Variants in ATE1 observed in about 807,000 individuals in gnomAD.
The protein encoded by ATE1 is arginyl-tRNA--protein transferase 1.
A neutral mutation model predicts 70.5 loss-of-function variants in ATE1; 36 were observed. That is an observed-to-expected ratio of 0.51 (90% CI 0.39 to 0.67). The LOEUF (loss-of-function observed/expected upper bound fraction) is 0.67. Among genes scored for constraint, ATE1 ranks in the 30% least tolerant of loss-of-function variants. The probability of loss-of-function intolerance (pLI) is 0.00; values close to 1 mark genes in which losing one functional copy is unlikely to be tolerated. For synonymous variants in ATE1, 232 were observed against 219.3 expected, an observed-to-expected ratio of 1.06 and a Z score of -0.51; for missense variants, 593 against 629.5, an observed-to-expected ratio of 0.94 and a Z score of 0.62.
chr10:121,790,771 CTAATG>C (rs1221914816), intron 10 of ATE1, among the ~76,000 whole-genome samples: 1 of 152,048 alleles, frequency 6.6e-6, no homozygotes, highest in African/African-American at 2.4e-5. Flanking sequence ...TCATTCTTCT[CTAATG>C]TAGTAGAAAG....
intron 8 of ATE1, among the ~76,000 whole-genome samples, chr10:121,844,152 T>G (rs1341990899): frequency 6.6e-6 from 1 of 152,200 alleles, no homozygotes; most frequent in Non-Finnish European, 1.5e-5. Flanking sequence ...CTAACCCCAG[T>G]GCTTTGGGAG....
At chr10:121,928,160 C>T, upstream of ATE1, 1 of 1,278,444 alleles carries the variant, frequency 7.8e-7, no homozygotes, top group Non-Finnish European at 9.9e-7. Flanking sequence ...ATTTCCGTTC[C>T]TTCTCCATAA....
At chr10:121,831,500 A>G (rs1358294621) in intron 10 of ATE1, among the ~76,000 whole-genome samples, 1 of 152,086 alleles carries the variant, frequency 6.6e-6, no homozygotes, top group African/African-American at 2.4e-5. Context: ...GCGAATGTCA[A>G]CCTTAACTGT....
At chr10:121,847,685 G>A (rs148311952) in intron 8 of ATE1, among the ~76,000 whole-genome samples, 1,557 of 145,750 alleles carry the variant, frequency 0.011, 30 homozygotes, top group African/African-American at 0.037. Context: ...TTGAACCAGG[G>A]AGTCAGAGGT....
Position 121,813,893 on chromosome 10 carries a change from T to C in ATE1, c.1257+22825A>G, listed in dbSNP as rs1947426627. 2.0e-5 allele frequency among the ~76,000 whole-genome samples: 3 copies of C among 152,194 alleles called. No individual in the cohort carries two copies. In the South Asian group the frequency reaches 6.2e-4, roughly 32 times the overall value. ...AAGAAAGTAACCCAGGGACTCTATC[T>C]TTGACATAAACGTGGCTGTGTACAA... On this transcript the variant is annotated intron_variant, in intron 10 of 11. Coordinates refer to ENST00000224652, the MANE Select transcript of ATE1 (RefSeq NM_001001976.3).
At chr10:121,876,472 T>C (rs1950052445) in intron 7 of ATE1, among the ~76,000 whole-genome samples, 1 of 152,216 alleles carries the variant, frequency 6.6e-6, no homozygotes, top group South Asian at 2.1e-4. Flanking sequence ...ATATATTTTA[T>C]AAATAGAAAT....
chr10:121,766,242 G>A (rs1484484746), intron 11 of ATE1, among the ~76,000 whole-genome samples: 1 of 152,038 alleles, frequency 6.6e-6, no homozygotes, highest in Non-Finnish European at 1.5e-5. Flanking sequence ...AACTATCTGC[G>A]ACATGCTTAA....
chr10:121,899,045 T>C, intron 7 of ATE1: 5 of 1,518,810 alleles, frequency 3.3e-6, no homozygotes, highest in Non-Finnish European at 4.5e-6. Context: ...GAGGCTACAG[T>C]AAGATCTCCA....
chr10:121,850,053 A>G (rs535701417), intron 8 of ATE1, among the ~76,000 whole-genome samples: 103 of 152,324 alleles, frequency 6.8e-4, no homozygotes, highest in African/African-American at 1.7e-3. Flanking sequence ...AGATTTATCT[A>G]TAAGAGTGGT....
rs189860010 is a variant in ATE1, at chr10:121,772,632, G to A, written c.1378+17537C>T. Among the ~76,000 whole-genome samples the A allele has an allele frequency of 2.4e-3, 358 of 152,244 alleles. 1 individual carries two copies. Among genetic ancestry groups the A allele is most frequent in the Non-Finnish European group, 3.5e-3 (237 of 68,008 alleles). ...GCGAGGAATCCAGAAACAAAGTCACGTCATGCTCCATACCCAAGCTCCATA... is the reference window on the plus strand; with the variant it reads ...GCGAGGAATCCAGAAACAAAGTCACATCATGCTCCATACCCAAGCTCCATA... On this transcript the variant is annotated intron_variant, in intron 11 of 11. Transcript: ENST00000224652.
chr10:121,875,035 A>C (rs1395324974), intron 7 of ATE1, among the ~76,000 whole-genome samples: 2 of 122,498 alleles, frequency 1.6e-5, no homozygotes, highest in Admixed American at 8.1e-5. Context: ...GCTACTCAGG[A>C]GGCTGAGGCA....
In ATE1 at chr10:121,774,056, G is replaced by A. The variant is rs1415088550; in HGVS notation, c.1378+16113C>T. ...TTGTCATCTTGAATGCAGTTTAAATGTTTTAAGAAAACATATTCCAAAACC... is the reference window on the plus strand; with the variant it reads ...TTGTCATCTTGAATGCAGTTTAAATATTTTAAGAAAACATATTCCAAAACC... On this transcript the variant is annotated intron_variant, in intron 11 of 11. Coordinates refer to ENST00000224652, the MANE Select transcript of ATE1 (RefSeq NM_001001976.3). Among the ~76,000 whole-genome samples the A allele has an allele frequency of 2.0e-5, 3 of 152,062 alleles. No individual in the cohort carries two copies. The East Asian group carries it at 5.8e-4, about 29-fold the overall frequency.
chr10:121,811,007 A>G (rs1161727372), intron 10 of ATE1, among the ~76,000 whole-genome samples: 3 of 152,194 alleles, frequency 2.0e-5, no homozygotes, highest in African/African-American at 7.2e-5. Context: ...AGCCAAAACA[A>G]ATTTTTTAAA....
chr10:121,908,175 T>A (rs971465817), intron 5 of ATE1, among the ~76,000 whole-genome samples: 4 of 152,154 alleles, frequency 2.6e-5, no homozygotes, highest in African/African-American at 9.7e-5. Flanking sequence ...TAGACGTTAT[T>A]TTGAAAAATG....
At chr10:121,762,106 G>C (rs1031371002) in intron 11 of ATE1, among the ~76,000 whole-genome samples, 1 of 152,024 alleles carries the variant, frequency 6.6e-6, no homozygotes, top group East Asian at 1.9e-4. Flanking sequence ...TTCTGTCTTC[G>C]TCACCTTCAG....
rs528271385 is a variant in ATE1, at chr10:121,869,680, T to C, written c.975+326A>G. ...GGCAATTTACAGAACATAAGGCTGC[T>C]GTTAAATAAACAGTTACAGGAGTAA... On this transcript the variant is annotated intron_variant, in intron 8 of 11. Transcript: ENST00000224652. 2.6e-5 allele frequency among the ~76,000 whole-genome samples: 4 copies of C among 152,340 alleles called. No individual in the cohort carries two copies. In the South Asian group the frequency reaches 8.3e-4, roughly 32 times the overall value.
chr10:121,903,844 A>AT (rs1951080276), intron 5 of ATE1, among the ~76,000 whole-genome samples: 2 of 152,134 alleles, frequency 1.3e-5, no homozygotes, highest in Non-Finnish European at 2.9e-5. Context: ...AAATAAAAAA[A>AT]TTTTTACTAT....
intron 7 of ATE1, among the ~76,000 whole-genome samples, chr10:121,887,734 A>C (rs999075235): frequency 1.3e-5 from 2 of 152,160 alleles, no homozygotes; most frequent in Non-Finnish European, 2.9e-5. Flanking sequence ...AAAATAAAAA[A>C]TAAAACAGAT....
chr10:121,856,076 C>CAAAAAAAAAA (rs34106606), intron 8 of ATE1, among the ~76,000 whole-genome samples: 1 of 125,800 alleles, frequency 7.9e-6, no homozygotes. Flanking sequence ...AACTATATCT[C>CAAAAAAAAAA]AAAAAAAAAA....
Sources: gnomAD v4.1 joint callset for allele counts (sites outside exome capture counted in the v4.1 genomes callset) on GRCh38, gnomAD v4.1.1 for gene constraint, MANE v1.5 for transcripts, NCBI Gene and HGNC (gene_info 2026-07-23, HGNC 2026-07-21) for gene names.